The following MNAT1 variants were observed in gnomAD, a reference collection of about 807,000 sequenced individuals.
MNAT1 encodes MNAT1 component of CDK activating kinase.
MNAT1 carries 43 observed loss-of-function variants against 42.0 expected under a neutral mutation model. The observed-to-expected ratio is 1.02, with a 90% CI of 0.80 to 1.32. MNAT1 has a LOEUF of 1.32. MNAT1 is among the 40% of genes most tolerant of loss of function. MNAT1 has a pLI of 0.00. For synonymous variants in MNAT1, 118 were observed against 120.0 expected, an observed-to-expected ratio of 0.98 and a Z score of 0.11; for missense variants, 306 against 350.4, an observed-to-expected ratio of 0.87 and a Z score of 1.01.
intron 7 of MNAT1, among the ~76,000 whole-genome samples, chr14:60,887,957 T>C (rs1389923034): frequency 6.7e-6 from 1 of 150,140 alleles, no homozygotes; most frequent in South Asian, 2.2e-4. Flanking sequence ...CAATAATCAA[T>C]AGCTTACCAA....
At chr14:60,887,741 T>G (rs917108191) in intron 7 of MNAT1, among the ~76,000 whole-genome samples, 1 of 151,614 alleles carries the variant, frequency 6.6e-6, no homozygotes, top group Non-Finnish European at 1.5e-5. Flanking sequence ...ATCAAATAGA[T>G]GCAATAAAAA....
intron 3 of MNAT1, among the ~76,000 whole-genome samples, chr14:60,801,895 T>C (rs530156105): frequency 6.6e-6 from 1 of 152,148 alleles, no homozygotes; most frequent in African/African-American, 2.4e-5. Context: ...ATTGGATGAA[T>C]AGATAAAGAA....
At chr14:60,752,786 A>T (rs979934229) in intron 1 of MNAT1, among the ~76,000 whole-genome samples, 3 of 152,166 alleles carry the variant, frequency 2.0e-5, no homozygotes, top group Admixed American at 6.5e-5. Flanking sequence ...ATTTTTTGAG[A>T]TGGAGTCTCA....
chr14:60,881,882 A>T (rs1345110669), intron 7 of MNAT1, among the ~76,000 whole-genome samples: 1 of 152,080 alleles, frequency 6.6e-6, no homozygotes, highest in African/African-American at 2.4e-5. Flanking sequence ...GTTCTTGGCC[A>T]GGCGCAGTGG....
At position 60,739,160 on chromosome 14, in the gene MNAT1, G is replaced by C. The variant is rs998249911; in HGVS notation, c.89+4209G>C. Among the ~76,000 whole-genome samples, 19 of 152,260 alleles carry C rather than the reference G, an allele frequency of 1.2e-4. No homozygotes were observed. The South Asian group carries it at 1.5e-3, about 12-fold the overall frequency. ...TCTCCCAGAACTAGTGATATGAGCG[G>C]AGGTAAGGAAGATTGGAGAGATGGA... On this transcript the variant is annotated intron_variant, in intron 1 of 7. Transcript: ENST00000261245.
intron 2 of MNAT1, among the ~76,000 whole-genome samples, chr14:60,797,717 A>G (rs2032062847): frequency 4.6e-5 from 7 of 152,074 alleles, no homozygotes; most frequent in Admixed American, 4.6e-4. Context: ...ACTTGAGATC[A>G]GAGTTTGAGA....
intron 7 of MNAT1, among the ~76,000 whole-genome samples, chr14:60,959,924 T>G (rs74704730): frequency 6.7e-6 from 1 of 149,270 alleles, no homozygotes; most frequent in South Asian, 2.1e-4. Flanking sequence ...TTTTATGTTT[T>G]TTTTTTTTTT....
intron 7 of MNAT1, among the ~76,000 whole-genome samples, chr14:60,962,053 T>C (rs2036603289): frequency 1.3e-5 from 2 of 152,222 alleles, no homozygotes; most frequent in South Asian, 4.1e-4. Flanking sequence ...CTCATATTAC[T>C]TGCTATTTTT....
intron 1 of MNAT1, among the ~76,000 whole-genome samples, chr14:60,754,962 A>T (rs944944647): frequency 2.0e-5 from 3 of 152,166 alleles, no homozygotes; most frequent in African/African-American, 7.2e-5. Flanking sequence ...GTAAGTAAGA[A>T]ATACAGTGGA....
At chr14:60,937,841 A>G (rs1470388507) in intron 7 of MNAT1, among the ~76,000 whole-genome samples, 1 of 151,960 alleles carries the variant, frequency 6.6e-6, no homozygotes, top group Non-Finnish European at 1.5e-5. Flanking sequence ...TTTTCACAAT[A>G]TTGATTCTTC....
intron 7 of MNAT1, among the ~76,000 whole-genome samples, chr14:60,940,282 T>C (rs1461830590): frequency 1.3e-5 from 2 of 152,250 alleles, no homozygotes; most frequent in Non-Finnish European, 2.9e-5. Flanking sequence ...AGTATGATGT[T>C]AGCTGGTTAT....
intron 1 of MNAT1, among the ~76,000 whole-genome samples, chr14:60,787,751 A>G (rs2031696177): frequency 6.6e-6 from 1 of 152,174 alleles, no homozygotes; most frequent in Non-Finnish European, 1.5e-5. Flanking sequence ...ATCAAGAATC[A>G]TCCCTAAGAA....
intron 7 of MNAT1, among the ~76,000 whole-genome samples, chr14:60,881,065 T>C (rs1187772645): frequency 6.6e-6 from 1 of 152,204 alleles, no homozygotes; most frequent in Non-Finnish European, 1.5e-5. Flanking sequence ...GAAGTTCACG[T>C]GTTTAAAATA....
chr14:60,935,413 G>A (rs2035976079), intron 7 of MNAT1, among the ~76,000 whole-genome samples: 1 of 147,704 alleles, frequency 6.8e-6, no homozygotes, highest in African/African-American at 2.5e-5. Context: ...AATGTACTTA[G>A]ATGTGACATT....
intron 7 of MNAT1, among the ~76,000 whole-genome samples, chr14:60,882,632 A>G (rs1566532956): frequency 6.6e-6 from 1 of 152,004 alleles, no homozygotes; most frequent in African/African-American, 2.4e-5. Flanking sequence ...TAGTAGCTCT[A>G]TTTTTGTTTT....
intron 6 of MNAT1, among the ~76,000 whole-genome samples, chr14:60,826,200 G>A (rs2033048116): frequency 6.6e-6 from 1 of 152,108 alleles, no homozygotes; most frequent in Admixed American, 6.5e-5. Context: ...AAACTGTCAG[G>A]GAGTGGAGTA....
At chr14:60,844,435 T>A (rs1237886551) in intron 6 of MNAT1, among the ~76,000 whole-genome samples, 1 of 152,108 alleles carries the variant, frequency 6.6e-6, no homozygotes, top group African/African-American at 2.4e-5. Flanking sequence ...TTAGACTTAT[T>A]GTCATTTTTT....
intron 1 of MNAT1, among the ~76,000 whole-genome samples, chr14:60,744,751 T>A (rs1896564966): frequency 6.6e-6 from 1 of 152,142 alleles, no homozygotes; most frequent in South Asian, 2.1e-4. Context: ...TTGATTTTAG[T>A]CTTTGTTAGG....
intron 4 of MNAT1, among the ~76,000 whole-genome samples, 198 bp from the exon 5 acceptor site, chr14:60,811,789 A>G (rs1201595670): frequency 6.6e-6 from 1 of 152,168 alleles, no homozygotes; most frequent in Non-Finnish European, 1.5e-5. Context: ...GTATAACAGA[A>G]TAGTTGTTTT....
Sources: allele counts gnomAD v4.1 joint callset (sites outside exome capture counted in the v4.1 genomes callset), GRCh38; gene constraint gnomAD v4.1.1; transcripts MANE v1.5; gene names NCBI Gene and HGNC (gene_info 2026-07-23, HGNC 2026-07-21).